Variants in SPHKAP observed in about 807,000 individuals in gnomAD.
The protein encoded by SPHKAP is SPHK1 interactor, AKAP domain containing, also known as A-kinase anchor protein SPHKAP.
In SPHKAP, 67 loss-of-function variants were observed where a neutral mutation model predicts 137.5. That is an observed-to-expected ratio of 0.49 (90% CI 0.40 to 0.60). The LOEUF is 0.60. SPHKAP is among the 20% of genes least tolerant of loss of function. The pLI is 0.00. For missense variants in SPHKAP, 2,097 were observed against 2,069.3 expected, an observed-to-expected ratio of 1.01 and a Z score of -0.26; for synonymous variants, 813 against 785.3, an observed-to-expected ratio of 1.04 and a Z score of -0.59.
intron 1 of SPHKAP, among the ~76,000 whole-genome samples, chr2:228,149,212 T>C (rs1306212571): frequency 6.6e-6 from 1 of 152,210 alleles, no homozygotes; most frequent in Non-Finnish European, 1.5e-5. Flanking sequence ...CTTGTTTACT[T>C]TGACTAAGTC....
intron 1 of SPHKAP, among the ~76,000 whole-genome samples, chr2:228,155,428 T>C (rs1422476961): frequency 1.3e-5 from 2 of 152,216 alleles, no homozygotes; most frequent in African/African-American, 4.8e-5. Context: ...TTACTCACTA[T>C]AAAGACCATA....
At chr2:228,131,028 T>C (rs972793935) in intron 2 of SPHKAP, among the ~76,000 whole-genome samples, 1 of 152,074 alleles carries the variant, frequency 6.6e-6, no homozygotes. Context: ...TCTCTAATAC[T>C]TGAAAACTAG....
chr2:228,001,184 G>GGCC (rs1693842096), intron 7 of SPHKAP, among the ~76,000 whole-genome samples: 2 of 149,338 alleles, frequency 1.3e-5, no homozygotes, highest in Non-Finnish European at 3.0e-5. Context: ...ATGTTCTTTG[G>GGCC]TGAAGTGTCT....
At chr2:228,139,754 TA>T (rs1699536830) in intron 1 of SPHKAP, among the ~76,000 whole-genome samples, 2 of 152,126 alleles carry the variant, frequency 1.3e-5, no homozygotes, top group Admixed American at 6.6e-5. Flanking sequence ...GCCCTACAAA[TA>T]ATGTGTATAA....
At chr2:228,076,422 G>A (rs1467039230) in intron 3 of SPHKAP, among the ~76,000 whole-genome samples, 1 of 152,216 alleles carries the variant, frequency 6.6e-6, no homozygotes, top group Non-Finnish European at 1.5e-5. Flanking sequence ...ACTCCCTAGA[G>A]ACTTGTTGAA....
intron 1 of SPHKAP, among the ~76,000 whole-genome samples, chr2:228,139,941 T>TTTCTTTCTTTCTTTCTTTCTTTCTTTC (rs370386885): frequency 6.9e-6 from 1 of 145,016 alleles, no homozygotes; most frequent in African/African-American, 2.6e-5. Flanking sequence ...TTTCTTTTTC[T>TTTCTTTCTTTCTTTCTTTCTTTCTTTC]TTTCTTTTTT....
Position 228,165,548 on chromosome 2 carries a change from G to A in SPHKAP, c.32+16019C>T, listed in dbSNP as rs1559210446. On this transcript the variant is annotated intron_variant, in intron 1 of 11. Coordinates refer to ENST00000392056, the MANE Select transcript of SPHKAP (RefSeq NM_001142644.2). ...ACTTTAGAACATTTCTTAGAGGACTGAGTTTTTGAAATATTCAACTGCACC... is the reference window on the plus strand; with the variant it reads ...ACTTTAGAACATTTCTTAGAGGACTAAGTTTTTGAAATATTCAACTGCACC... Among the ~76,000 whole-genome samples, 3 of 152,192 alleles carry A rather than the reference G, an allele frequency of 2.0e-5. No homozygotes were observed. In the East Asian group the frequency reaches 5.8e-4, roughly 29 times the overall value.
chr2:228,142,429 A>G (rs2106388403), intron 1 of SPHKAP, among the ~76,000 whole-genome samples: 1 of 151,752 alleles, frequency 6.6e-6, no homozygotes, highest in African/African-American at 2.4e-5. Context: ...CCGAGATGGC[A>G]CCAGTGCACT....
At chr2:228,111,083 T>C (rs949438553) in intron 2 of SPHKAP, among the ~76,000 whole-genome samples, 4 of 152,172 alleles carry the variant, frequency 2.6e-5, no homozygotes, top group Admixed American at 6.6e-5. Context: ...TTAAAAAACA[T>C]TGAAAACCAT....
chr2:228,029,680 C>T (rs1281596678), intron 3 of SPHKAP, among the ~76,000 whole-genome samples: 1 of 152,192 alleles, frequency 6.6e-6, no homozygotes, highest in Non-Finnish European at 1.5e-5. Flanking sequence ...GAAGATGGAG[C>T]TCAGAAGCAG....
intron 1 of SPHKAP, among the ~76,000 whole-genome samples, chr2:228,154,552 T>A (rs1378966969): frequency 3.5e-4 from 25 of 70,448 alleles, no homozygotes; most frequent in Non-Finnish European, 5.7e-4. Context: ...TTTTTTTTTT[T>A]TTTTTTTTTT....
At chr2:228,178,069 C>T (rs528049687) in intron 1 of SPHKAP, among the ~76,000 whole-genome samples, 1 of 152,140 alleles carries the variant, frequency 6.6e-6, no homozygotes, top group African/African-American at 2.4e-5. Context: ...CACTTGTTGG[C>T]TTTAAAAGAT....
chr2:228,148,248 G>A (rs1278411310), intron 1 of SPHKAP, among the ~76,000 whole-genome samples: 1 of 152,132 alleles, frequency 6.6e-6, no homozygotes, highest in East Asian at 1.9e-4. Flanking sequence ...GGTCATTGAG[G>A]GGTATCCCCC....
intron 3 of SPHKAP, among the ~76,000 whole-genome samples, chr2:228,090,001 T>A (rs565348175): frequency 4.6e-5 from 7 of 151,976 alleles, no homozygotes; most frequent in African/African-American, 1.7e-4. Context: ...CCATACAGAG[T>A]CCCCACCAAG....
intron 3 of SPHKAP, among the ~76,000 whole-genome samples, chr2:228,092,688 C>T (rs533476644): frequency 8.2e-5 from 12 of 145,886 alleles, no homozygotes; most frequent in South Asian, 2.1e-4. Context: ...CATGTATATA[C>T]GTGTATATAT....
chr2:228,154,418 C>G (rs929258476), intron 1 of SPHKAP, among the ~76,000 whole-genome samples: 3 of 141,950 alleles, frequency 2.1e-5, no homozygotes, highest in Non-Finnish European at 3.0e-5. Flanking sequence ...TTGGACAGCA[C>G]TTTAGAACTT....
chr2:228,000,886 G>A (rs1016358849), intron 7 of SPHKAP, among the ~76,000 whole-genome samples: 2 of 152,056 alleles, frequency 1.3e-5, no homozygotes, highest in South Asian at 2.1e-4. Context: ...AGTTTTCAAC[G>A]TGTTTGGGTA....
At position 228,118,595 on chromosome 2, in the gene SPHKAP, G is replaced by T. The variant is rs185928600; in HGVS notation, c.139-9656C>A. ...CAGGTGATAGTGGTATTTCTTTGCG[G>T]TTTGTTTTACTTTCCATTTTAAGAT... is the stretch of plus-strand genomic sequence containing the variant. On this transcript the variant is annotated intron_variant, in intron 2 of 11. Coordinates refer to ENST00000392056, the MANE Select transcript of SPHKAP (RefSeq NM_001142644.2). 2.6e-4 allele frequency among the ~76,000 whole-genome samples: 40 copies of T among 151,942 alleles called. No individual in the cohort carries two copies. In the East Asian group the frequency reaches 7.6e-3, roughly 29 times the overall value.
chr2:228,044,650 A>C (rs1233588416), intron 3 of SPHKAP, among the ~76,000 whole-genome samples: 1 of 152,230 alleles, frequency 6.6e-6, no homozygotes, highest in Non-Finnish European at 1.5e-5. Flanking sequence ...TTGACACATA[A>C]TGAATAAATA....
Sources: gnomAD v4.1 joint callset for allele counts (sites outside exome capture counted in the v4.1 genomes callset) on GRCh38, gnomAD v4.1.1 for gene constraint, MANE v1.5 for transcripts, NCBI Gene and HGNC (gene_info 2026-07-23, HGNC 2026-07-21) for gene names.